APOL4: variants seen among roughly 807,000 people sequenced by gnomAD.
The protein encoded by APOL4 is apolipoprotein L, 4.
APOL4 carries 14 observed loss-of-function variants against 12.1 expected under a neutral mutation model. That is an observed-to-expected ratio of 1.16 (90% CI 0.76 to 1.81). The LOEUF is 1.81. Among genes scored for constraint, APOL4 ranks in the 40% most tolerant of loss-of-function variants. APOL4 has a pLI of 0.00. For missense variants in APOL4, 432 were observed against 423.1 expected, an observed-to-expected ratio of 1.02 and a Z score of -0.18; for synonymous variants, 171 against 160.6, an observed-to-expected ratio of 1.06 and a Z score of -0.49.
Position 36,201,692 on chromosome 22 carries a change from G to A in APOL4, c.35+8C>T, listed in dbSNP as rs749171694. 3.6e-5 allele frequency: 57 copies of A among 1,603,340 alleles called. No homozygotes were observed. The highest frequency in any genetic ancestry group is 4.7e-5 in the Non-Finnish European group (55 of 1,175,830). ...CAGGAGGGCAGAGAGCTGGGGCCTC[G>A]GACTCACCCGACGCTTGTGATGAGC... On this transcript the variant is annotated splice_region_variant and intron_variant, in intron 1 of 3. Transcript: ENST00000683024.
upstream of APOL4, among the ~76,000 whole-genome samples, chr22:36,204,272 C>T (rs2014666647): frequency 6.6e-6 from 1 of 152,202 alleles, no homozygotes; most frequent in South Asian, 2.1e-4. Flanking sequence ...CCCACCTCCA[C>T]CTTCTTTGAT....
At position 36,191,647 on chromosome 22, in the gene APOL4, G is replaced by T; in HGVS notation, c.475C>A (p.Pro159Thr). The T allele has an allele frequency of 6.2e-7, 1 of 1,613,960 alleles. No individual in the cohort carries two copies. The highest frequency in any genetic ancestry group is 8.5e-7 in the Non-Finnish European group (1 of 1,179,862). ...CTCAGGCTCAGCCCTGCTGTAAATG[G>T]TGCCAACATAACGCCAATGACAGAC... ...ILSVIGVMLAPFTAGLSLSIT... is the reference protein window; with the variant it reads ...ILSVIGVMLATFTAGLSLSIT... The change falls in exon 4 of 4, where the codon CCA (proline) becomes ACA (threonine). Residue 159 changes from proline (P) to threonine (T), a missense_variant. By Grantham distance (38) the Pro-to-Thr change is conservative (BLOSUM62 -1). Coordinates refer to ENST00000683024, the MANE Select transcript of APOL4 (RefSeq NM_001386885.1).
chr22:36,195,764 TCTCTCTCTCTCTCACA>T (rs909396520), intron 2 of APOL4, among the ~76,000 whole-genome samples: 3 of 115,216 alleles, frequency 2.6e-5, no homozygotes, highest in African/African-American at 8.4e-5. Flanking sequence ...TCTCTCTCTC[TCTCTCTCTCTCTCACA>T]CACACACACA....
upstream of APOL4, chr22:36,202,060 G>T (rs771360530): frequency 6.2e-7 from 1 of 1,613,864 alleles, no homozygotes; most frequent in South Asian, 1.1e-5. Context: ...CTCCTCCTTG[G>T]GCAGGAAAAG....
chr22:36,202,582 C>A (rs940806346), upstream of APOL4, among the ~76,000 whole-genome samples: 9 of 152,110 alleles, frequency 5.9e-5, no homozygotes, highest in East Asian at 1.9e-4. Context: ...AAAAATTAGC[C>A]GAGTGTAGTG....
intron 1 of APOL4, among the ~76,000 whole-genome samples, chr22:36,201,069 A>G (rs945160526): frequency 2.0e-5 from 3 of 152,050 alleles, no homozygotes; most frequent in Admixed American, 2.0e-4. Flanking sequence ...AAAACTGGTG[A>G]TAGAATGTTA....
Position 36,195,396 on chromosome 22 carries a change from T to C in APOL4, c.124A>G (p.Lys42Glu), listed in dbSNP as rs2014375443. The change falls in exon 3 of 4, where the codon AAG (lysine) becomes GAG (glutamate). Residue 42 changes from lysine to glutamate, a missense_variant. By Grantham distance (56) the Lys-to-Glu change is moderately conservative (BLOSUM62 1). Transcript: ENST00000683024. ...TTCAGATGCACTGGGCTAACTTTCT[T>C]CTGGAAGTATTCAATGACTTCTTCA... ...FTEEVIEYFQKKVSPVHLKIL... is the reference protein window; with the variant it reads ...FTEEVIEYFQEKVSPVHLKIL... 1 of 1,613,858 alleles carries C rather than the reference T, an allele frequency of 6.2e-7. No individual in the cohort carries two copies. The highest frequency in any genetic ancestry group is 8.5e-7 in the Non-Finnish European group (1 of 1,179,864).
intron 1 of APOL4, among the ~76,000 whole-genome samples, chr22:36,201,232 T>G (rs1026939952): frequency 4.0e-5 from 6 of 151,112 alleles, no homozygotes; most frequent in African/African-American, 1.2e-4. Flanking sequence ...CGTGTGTCTC[T>G]GCGCACTCCC....
intron 1 of APOL4, chr22:36,199,724 G>A (rs1345762175): frequency 7.3e-7 from 1 of 1,376,600 alleles, no homozygotes; most frequent in Admixed American, 2.1e-5. Context: ...ACAATGACCG[G>A]AAACATGTGT....
At chr22:36,198,642 C>T (rs1339148144) in intron 2 of APOL4, among the ~76,000 whole-genome samples, 1 of 152,172 alleles carries the variant, frequency 6.6e-6, no homozygotes, top group African/African-American at 2.4e-5. Flanking sequence ...GGAACCACCC[C>T]TTAGGGAGGC....
In APOL4 at chr22:36,191,103, T is replaced by C. The variant is rs771583156; in HGVS notation, c.1019A>G (p.His340Arg). 1.4e-5 allele frequency: 23 copies of C among 1,607,456 alleles called. No individual in the cohort carries two copies. The highest frequency in any genetic ancestry group is 5.3e-5 in the African/African-American group (4 of 74,834). ...ELEENLNELT[H>R]IHQSLKAG ...GCCTGCTTTTAGACTCTGATGGATA[T>C]GGGTGAGCTCATTGAGATTCTCCTC... Residue 340 changes from histidine to arginine, a missense_variant, in exon 4 of 4, where the codon CAT becomes CGT. By Grantham distance (29) the His-to-Arg change is conservative (BLOSUM62 0). Coordinates refer to ENST00000683024, the MANE Select transcript of APOL4 (RefSeq NM_001386885.1).
intron 2 of APOL4, chr22:36,197,652 A>G (rs1445633368): frequency 1.9e-6 from 3 of 1,548,932 alleles, no homozygotes; most frequent in South Asian, 1.2e-5. Flanking sequence ...GTCAGACACA[A>G]ACACAGCTTA....
Position 36,191,733 on chromosome 22 carries a change from A to G in APOL4, c.389T>C (p.Ile130Thr), listed in dbSNP as rs1485724032. Residue 130 changes from isoleucine (I) to threonine (T), a missense_variant, in exon 4 of 4, where the codon ATT (isoleucine) becomes ACT (threonine). Physicochemically the swap from Ile to Thr is moderately conservative, Grantham distance 89 (BLOSUM62 -1). Coordinates refer to ENST00000683024, the MANE Select transcript of APOL4 (RefSeq NM_001386885.1). ...GACGCAGCCTCTGTGGACCTTTTCA[A>G]TCTCATTTGCAATGACACGAAGCCT... The part of the protein sequence containing the change: ...IERLRVIANE[I>T]EKVHRGCVIA... The G allele has an allele frequency of 1.9e-6, 3 of 1,613,908 alleles. No individual in the cohort carries two copies. The highest frequency in any genetic ancestry group is 1.3e-5 in the African/African-American group (1 of 74,922).
At chr22:36,201,810 G>C, upstream of APOL4, 1 of 1,575,366 alleles carries the variant, frequency 6.3e-7, no homozygotes, top group African/African-American at 1.4e-5. Flanking sequence ...GATACTGACT[G>C]TTAGCCTCAA....
chr22:36,203,744 GC>G (rs975831172), upstream of APOL4, among the ~76,000 whole-genome samples: 3 of 152,208 alleles, frequency 2.0e-5, no homozygotes, highest in Admixed American at 2.0e-4. Flanking sequence ...ATGGACAGGC[GC>G]CCCCCTGCAT....
chr22:36,189,946 G>T lies in APOL4; in HGVS notation c.*1129C>A, dbSNP rs2014197918. On this transcript the variant is annotated 3_prime_UTR_variant, in exon 4 of 4. Transcript: ENST00000683024. ...ATGTCTGCGTTTTGTCCCGGCCTGT[G>T]TCTGGCTCACCTTCCCTGGTGGCTG... 2 of 208,594 alleles carry T rather than the reference G, an allele frequency of 9.6e-6. No homozygotes were observed. The highest frequency in any genetic ancestry group is 2.0e-5 in the Non-Finnish European group (2 of 98,176). The allele number at this position is 208,594 out of a possible 1,614,324, so 12.9% of individuals were successfully genotyped here.
At chr22:36,197,565 C>A in intron 2 of APOL4, 1 of 1,412,150 alleles carries the variant, frequency 7.1e-7, no homozygotes, top group South Asian at 1.7e-5. Flanking sequence ...ACCAACCAGA[C>A]CTTCAGAACA....
chr22:36,199,393 C>G lies in APOL4; in HGVS notation c.36-17G>C, dbSNP rs2014503861. The G allele has an allele frequency of 1.2e-6, 2 of 1,614,040 alleles. No individual in the cohort carries two copies. The highest frequency in any genetic ancestry group is 4.5e-5 in the East Asian group (2 of 44,888). On this transcript the variant is annotated splice_polypyrimidine_tract_variant and intron_variant, in intron 1 of 3. Transcript: ENST00000683024. The stretch of plus-strand genomic sequence containing the variant: ...TGCTGCACCCTTGAGGAAGAGAAAA[C>G]AAATTGTGGGATTGAATGTGAGCCA...
chr22:36,189,809 G>A lies in APOL4; in HGVS notation c.*1266C>T, dbSNP rs557853064. The A allele has an allele frequency of 1.3e-5, 2 of 152,664 alleles. No individual in the cohort carries two copies. The highest frequency in any genetic ancestry group is 4.8e-5 in the African/African-American group (2 of 41,316). The allele number at this position is 152,664 out of a possible 1,614,324, so 9.5% of individuals were successfully genotyped here. A position where few individuals can be genotyped will look rare whatever the true frequency, so the allele number is the denominator to read the frequency against. On this transcript the variant is annotated 3_prime_UTR_variant, in exon 4 of 4. Coordinates refer to ENST00000683024, the MANE Select transcript of APOL4 (RefSeq NM_001386885.1). ...CCCCAGCATTTCTGCCTTCTCCTTG[G>A]CGCACTTGCCATCTTGAGTAACCCC...
Sources: gnomAD v4.1 joint callset for allele counts (sites outside exome capture counted in the v4.1 genomes callset) on GRCh38, gnomAD v4.1.1 for gene constraint, MANE v1.5 for transcripts, NCBI Gene and HGNC (gene_info 2026-07-23, HGNC 2026-07-21) for gene names.